Variants in MIA3 observed in about 807,000 individuals in gnomAD.
MIA3 encodes MIA SH3 domain ER export factor 3.
MIA3 carries 90 observed loss-of-function variants against 192.4 expected under a neutral mutation model. The ratio of observed to expected loss-of-function variants is 0.47; its 90% confidence interval spans 0.39 to 0.56. The LOEUF is 0.56. Ranked by LOEUF, MIA3 falls within the 20% of genes least tolerant of loss-of-function variation. The probability of loss-of-function intolerance (pLI) is 0.00; values close to 1 mark genes in which losing one functional copy is unlikely to be tolerated. For missense variants in MIA3, 2,123 were observed against 2,269.4 expected (o/e 0.94, Z 1.31); for synonymous variants, 740 against 792.8 (o/e 0.93, Z 1.12).
Position 222,650,844 on chromosome 1 carries a change from A to G in MIA3, c.3850A>G (p.Lys1284Glu), listed in dbSNP as rs1663392872. 1.9e-6 allele frequency: 3 copies of G among 1,610,786 alleles called. No homozygotes were observed. The highest frequency in any genetic ancestry group is 1.7e-5 in the Admixed American group (1 of 59,458). ...KNQEILDDTA[K>E]NLRVMLESER... ...TCAGGAAATTCTGGATGACACAGCT[A>G]AAAATCTTCGTGTTATGCTAGAATC... The change falls in exon 11 of 28, where the codon AAA (lysine) becomes GAA (glutamate). Residue 1284 changes from lysine (K) to glutamate (E), a missense_variant. By Grantham distance (56) the Lys-to-Glu change is moderately conservative (BLOSUM62 1). Around this residue, in one of 3 missense-constraint regions of MIA3, gnomAD observed 762 missense variants for 856.4 expected, o/e 0.89. Transcript: ENST00000344922.
chr1:222,657,394 C>A (rs1012846566), intron 18 of MIA3, among the ~76,000 whole-genome samples: 60 of 152,094 alleles, frequency 3.9e-4, no homozygotes, highest in African/African-American at 1.4e-3. Flanking sequence ...TCTTTTCAAC[C>A]TTCTTACATA....
At position 222,658,523 on chromosome 1, in the gene MIA3, C is replaced by T. The variant is rs116981789; in HGVS notation, c.4608-199C>T. On this transcript the variant is annotated intron_variant, in intron 18 of 27. Transcript: ENST00000344922. ...TACTAGTGAGGAGAGAATTATGAGA[C>T]GTTAGAAAATGCAGGTGATGTATCA... 5.2e-5 allele frequency: 22 copies of T among 419,546 alleles called. No individual in the cohort carries two copies. In the East Asian group the frequency reaches 8.9e-4, roughly 17 times the overall value. The allele number at this position is 419,546 out of a possible 1,614,324, so 26.0% of individuals were successfully genotyped here.
At chr1:222,652,126 T>TAAAATGTGCAAAAAA (rs1663472865) in intron 12 of MIA3, 78 bp downstream of exon 12, 3 of 1,344,852 alleles carry the variant, frequency 2.2e-6, no homozygotes, top group Non-Finnish European at 3.2e-6. Context: ...TGATATATGC[T>TAAAATGTGCAAAAAA]AAAATGTGCA....
At chr1:222,621,645 A>T (rs1397179459) in intron 2 of MIA3, among the ~76,000 whole-genome samples, 3 of 152,182 alleles carry the variant, frequency 2.0e-5, no homozygotes, top group Non-Finnish European at 4.4e-5. Flanking sequence ...TATATGTGAG[A>T]GAGTGTTTCA....
chr1:222,652,258 A>G lies in MIA3; in HGVS notation c.4012A>G (p.Ser1338Gly), dbSNP rs1340049205. The change falls in exon 13 of 28, where the codon AGT becomes GGT. Residue 1338 changes from serine to glycine, a missense_variant. Ser to Gly is a moderately conservative substitution (Grantham distance 56). Coordinates refer to ENST00000344922, the MANE Select transcript of MIA3 (RefSeq NM_198551.4). ...GATTGCACTTAATGAAGCTAAGCTT[A>G]GTGAAGAGAAGGTGAAGTCTGAATG... ...VQIALNEAKL[S>G]EEKVKSECHR... 8.1e-6 allele frequency: 13 copies of G among 1,613,800 alleles called. No individual in the cohort carries two copies. The highest frequency in any genetic ancestry group is 1.0e-5 in the Non-Finnish European group (12 of 1,179,710).
chr1:222,657,814 G>C (rs964380319), intron 18 of MIA3, among the ~76,000 whole-genome samples: 10 of 152,180 alleles, frequency 6.6e-5, no homozygotes, highest in African/African-American at 2.4e-4. Flanking sequence ...AATATTTGCT[G>C]AAGTATTTAT....
At chr1:222,623,079 T>C (rs1341945086) in intron 2 of MIA3, among the ~76,000 whole-genome samples, 1 of 152,232 alleles carries the variant, frequency 6.6e-6, no homozygotes, top group African/African-American at 2.4e-5. Context: ...TCTTTTTCAG[T>C]ATTTCCTGAC....
In MIA3 at chr1:222,632,327, G is replaced by A; in HGVS notation, c.3331+1G>A. ...AATACTGAGAAAGACCTGGACCCAG[G>A]TAAAGCCTGCTAATTTTTTTCTACA... On this transcript the variant is annotated splice_donor_variant, in intron 5 of 27. Coordinates refer to ENST00000344922, the MANE Select transcript of MIA3 (RefSeq NM_198551.4). LOFTEE classifies it high-confidence loss of function. The A allele has an allele frequency of 6.2e-7, 1 of 1,606,544 alleles. No homozygotes were observed. The highest frequency in any genetic ancestry group is 8.5e-7 in the Non-Finnish European group (1 of 1,177,822).
intron 3 of MIA3, among the ~76,000 whole-genome samples, chr1:222,625,624 A>G (rs1014420096): frequency 2.0e-5 from 3 of 152,242 alleles, no homozygotes; most frequent in African/African-American, 7.2e-5. Flanking sequence ...GTTTCAGGTG[A>G]GGTCCAGTCT....
In MIA3 at chr1:222,654,229, C is replaced by G. The variant is rs1300470748; in HGVS notation, c.4322-14C>G. 1 of 1,611,400 alleles carries G rather than the reference C, an allele frequency of 6.2e-7. No individual in the cohort carries two copies. The highest frequency in any genetic ancestry group is 2.2e-5 in the East Asian group (1 of 44,792). On this transcript the variant is annotated splice_polypyrimidine_tract_variant and intron_variant, in intron 15 of 27. Coordinates refer to ENST00000344922, the MANE Select transcript of MIA3 (RefSeq NM_198551.4). ...GGAAGAAAAAGCAATGAAAGAAAGC[C>G]TTTTGTTTTTTAGGTGACCGGAATG...
intron 18 of MIA3, among the ~76,000 whole-genome samples, chr1:222,658,172 A>G (rs1330191813): frequency 1.3e-5 from 2 of 152,208 alleles, no homozygotes; most frequent in Non-Finnish European, 2.9e-5. Context: ...CTGCTTTATC[A>G]TGATTCCATT....
At chr1:222,636,506 CTTTT>C (rs34208115) in intron 6 of MIA3, among the ~76,000 whole-genome samples, 3 of 74,036 alleles carry the variant, frequency 4.1e-5, no homozygotes, top group Non-Finnish European at 8.4e-5. Context: ...TAGTGTCCAT[CTTTT>C]TTTTTTTTTT....
intron 24 of MIA3, 50 bp downstream of exon 24, chr1:222,660,364 CTTTTA>C: frequency 6.4e-7 from 1 of 1,556,310 alleles, no homozygotes; most frequent in Non-Finnish European, 8.7e-7. Flanking sequence ...GGCTTTTTCC[CTTTTA>C]TTTGAGAATT....
At position 222,627,850 on chromosome 1, in the gene MIA3, C is replaced by T. The variant is rs1257615207; in HGVS notation, c.630C>T (p.His210=). The T allele has an allele frequency of 7.4e-6, 12 of 1,614,044 alleles. No homozygotes were observed. Among genetic ancestry groups the T allele is most frequent in the Non-Finnish European group, 1.0e-5 (12 of 1,180,030 alleles). Residue 210 remains histidine (H), a synonymous_variant, in exon 4 of 28, where the codon CAC becomes CAT. Transcript: ENST00000344922. Reference sequence around the variant, plus strand: ...AACAGTTTACAACTCAGAAGCACCACTCCCATGCAAACAGCCAAGCAAATC... The same window carrying T: ...AACAGTTTACAACTCAGAAGCACCATTCCCATGCAAACAGCCAAGCAAATC... The part of the protein sequence containing the change: ...LQEQFTTQKH[H]SHANSQANHA...
intron 27 of MIA3, chr1:222,664,893 C>G (rs1242824240): frequency 2.2e-6 from 1 of 464,566 alleles, no homozygotes; most frequent in Non-Finnish European, 4.5e-6. Context: ...ATAAAGATGG[C>G]AGGCCAGGCA....
rs1472125894 is a variant in MIA3 at position 222,667,860 on chromosome 1, G to C, written c.*2241G>C. 6 of 152,178 alleles carry C rather than the reference G, an allele frequency of 3.9e-5. No individual in the cohort carries two copies. The allele number at this position is 152,178 out of a possible 1,614,324, so 9.4% of individuals were successfully genotyped here. ...GCCTGAAAGCATTTCTGCCATAGTTGTTGTAGTTATATCGCCAATGGCTGA... is the reference window on the plus strand; with the variant it reads ...GCCTGAAAGCATTTCTGCCATAGTTCTTGTAGTTATATCGCCAATGGCTGA... On this transcript the variant is annotated 3_prime_UTR_variant, in exon 28 of 28. Coordinates refer to ENST00000344922, the MANE Select transcript of MIA3 (RefSeq NM_198551.4).
chr1:222,621,813 G>GTTTTTTTTTTTTTTT (rs35055360), intron 2 of MIA3, among the ~76,000 whole-genome samples: 1 of 140,120 alleles, frequency 7.1e-6, no homozygotes, highest in Non-Finnish European at 1.5e-5. Context: ...TTGTTTGTTT[G>GTTTTTTTTTTTTTTT]TTTTTTTTTT....
rs1663471699 is a variant in MIA3 at position 222,652,107 on chromosome 1, G to A, written c.3981+59G>A. On this transcript the variant is annotated intron_variant, in intron 12 of 27. Transcript: ENST00000344922. ...TACTATATCATAGTTTGATTGCAGAGCAAAAATTTGATATATGCTAAAATG... is the reference window on the plus strand; with the variant it reads ...TACTATATCATAGTTTGATTGCAGAACAAAAATTTGATATATGCTAAAATG... 2.0e-5 allele frequency: 27 copies of A among 1,335,186 alleles called. 1 individual carries two copies. The South Asian group carries it at 2.9e-4, about 14-fold the overall frequency. 82.7% of individuals were successfully genotyped at this position (1,335,186 alleles called of 1,614,324 possible).
At position 222,630,052 on chromosome 1, in the gene MIA3, T is replaced by C; in HGVS notation, c.2832T>C (p.Asn944=). 6.2e-7 allele frequency: 1 copy of C among 1,614,160 alleles called. No homozygotes were observed. Among genetic ancestry groups the C allele is most frequent in the Non-Finnish European group, 8.5e-7 (1 of 1,180,040 alleles). ...QSLQRFQKYF[N]VHELEALLQE... is the part of the protein sequence containing the mutation. Reference sequence around the variant, plus strand: ...TGCAGCGGTTCCAGAAGTACTTTAATGTCCATGAGCTGGAAGCCTTGCTAC... The same window carrying C: ...TGCAGCGGTTCCAGAAGTACTTTAACGTCCATGAGCTGGAAGCCTTGCTAC... The change falls in exon 4 of 28, where the codon AAT becomes AAC. Residue 944 remains asparagine, a synonymous_variant. Coordinates refer to ENST00000344922, the MANE Select transcript of MIA3 (RefSeq NM_198551.4).
Sources: gnomAD v4.1 joint callset for allele counts (sites outside exome capture counted in the v4.1 genomes callset) on GRCh38, gnomAD v4.1.1 for gene constraint, gnomAD v4.1.1 regional missense constraint, MANE v1.5 for transcripts, NCBI Gene and HGNC (gene_info 2026-07-23, HGNC 2026-07-21) for gene names.